NLRP6: variants seen among roughly 807,000 people sequenced by gnomAD.
NLRP6 encodes NLR family pyrin domain containing 6.
In NLRP6, 55 loss-of-function variants were observed where a neutral mutation model predicts 70.9. That is an observed-to-expected ratio of 0.78 (90% CI 0.62 to 0.97). NLRP6 has a LOEUF of 0.97. NLRP6 is among the 50% of genes least tolerant of loss of function. The pLI, the probability that NLRP6 is intolerant of heterozygous loss-of-function variation, is 0.00. For synonymous variants in NLRP6, 652 were observed against 581.9 expected (o/e 1.12, Z -1.73); for missense variants, 1,241 against 1,238.3 (o/e 1.00, Z -0.03).
Position 281,146 on chromosome 11 carries a change from G to A in NLRP6, c.1412G>A (p.Arg471His), listed in dbSNP as rs748020752. The A allele has an allele frequency of 6.8e-6, 11 of 1,613,050 alleles. No homozygotes were observed. Among genetic ancestry groups the A allele is most frequent in the Non-Finnish European group, 7.6e-6 (9 of 1,179,948 alleles). The stretch of plus-strand genomic sequence containing the variant: ...AAGGAACTGGAGCAACTGGAGCTTC[G>A]TGGCTCCAAAGTGCAGACGCTGTTT... ...AEKELEQLEL[R>H]GSKVQTLFLS... The change falls in exon 4 of 8, where the codon CGT (arginine) becomes CAT (histidine). Residue 471 changes from arginine (R) to histidine (H), a missense_variant. Arg to His is a conservative substitution (Grantham distance 29). Transcript: ENST00000534750.
At chr11:283,609 G>C (rs112999662) in intron 5 of NLRP6, among the ~76,000 whole-genome samples, 2 of 152,028 alleles carry the variant, frequency 1.3e-5, no homozygotes, top group African/African-American at 4.8e-5. Context: ...CACCGCGCCC[G>C]GCCACATGTA....
At chr11:284,738 C>A in intron 7 of NLRP6, 96 bp downstream of exon 7, 1 of 1,230,196 alleles carries the variant, frequency 8.1e-7, no homozygotes, top group Non-Finnish European at 1.1e-6. Flanking sequence ...TGAAGAGGGG[C>A]CCCTCCCAGA....
In NLRP6 at chr11:280,166, C is replaced by T. The variant is rs887446451; in HGVS notation, c.432C>T (p.Thr144=). ...GGAACGCCCGCTCCGTGAAGATCAC[C>T]AAGCGCTTCACCAAGCTGCTCATCG... ...KERNARSVKI[T]KRFTKLLIAP... is the part of the protein sequence containing the mutation. Residue 144 remains threonine (T), a synonymous_variant, in exon 4 of 8, where the codon ACC becomes ACT. Transcript: ENST00000534750. 1.3e-6 allele frequency: 2 copies of T among 1,550,530 alleles called. No homozygotes were observed.
rs535139792 is a variant in NLRP6 at position 278,762 on chromosome 11, A to G, written c.29+164A>G. ...CAAGCACTGCCTCCCCACAGAGGGC[A>G]TTTGTGGAGTCTGTTCCCCACCAGG... is the stretch of plus-strand genomic sequence containing the variant. On this transcript the variant is annotated intron_variant, in intron 1 of 7. Coordinates refer to ENST00000534750, the MANE Select transcript of NLRP6 (RefSeq NM_001276700.2). The surrounding 1 kb of genome is among the most constrained non-coding windows in gnomAD (Gnocchi z 4.7). 6.6e-6 allele frequency among the ~76,000 whole-genome samples: 1 copy of G among 152,180 alleles called. No individual in the cohort carries two copies. The highest frequency in any genetic ancestry group is 1.9e-4 in the East Asian group (1 of 5,172).
At position 281,293 on chromosome 11, in the gene NLRP6, G is replaced by A. The variant is rs1160520099; in HGVS notation, c.1559G>A (p.Arg520Lys). ...CTGCTGGAGGACGGCGGGGTGCCCA[G>A]GACCGCGGCTGGCGGCGTTGGGACA... is the stretch of plus-strand genomic sequence containing the variant. ...SYLLEDGGVP[R>K]TAAGGVGTLL... Residue 520 changes from arginine (R) to lysine (K), a missense_variant, in exon 4 of 8, where the codon AGG becomes AAG. Transcript: ENST00000534750. The A allele has an allele frequency of 1.9e-6, 3 of 1,609,636 alleles. No homozygotes were observed. Among genetic ancestry groups the A allele is most frequent in the Non-Finnish European group, 2.5e-6 (3 of 1,177,814 alleles).
chr11:278,707 T>TC lies in NLRP6; in HGVS notation c.29+114dup. On this transcript the variant is annotated intron_variant, in intron 1 of 7. Transcript: ENST00000534750. This position sits in a 1 kb window ranked among gnomAD's most constrained non-coding sequence, Gnocchi z 4.7. The stretch of plus-strand genomic sequence containing the variant: ...GGCTCTCCACCCTTGTCCACATCCT[T>TC]CCCCCACCCTCACTCCCAGGCTCAG... The TC allele has an allele frequency of 1.3e-6, 1 of 760,120 alleles. No individual in the cohort carries two copies. The allele number at this position is 760,120 out of a possible 1,614,324, so 47.1% of individuals were successfully genotyped here.
rs547586414 is a variant in NLRP6 at position 284,298 on chromosome 11, C to G, written c.2267C>G (p.Ala756Gly). Reference protein sequence around the residue: ...DLSEALRAAPALTELGLLHNR... With the variant: ...DLSEALRAAPGLTELGLLHNR... ...TCTGAGGCCCTGAGGGCAGCCCCCGCACTGACGGAGCTGGGCCTCCTCCAC... is the reference window on the plus strand; with the variant it reads ...TCTGAGGCCCTGAGGGCAGCCCCCGGACTGACGGAGCTGGGCCTCCTCCAC... Residue 756 changes from alanine (A) to glycine (G), a missense_variant, in exon 6 of 8, where the codon GCA becomes GGA. Physicochemically the swap from Ala to Gly is moderately conservative, Grantham distance 60. Coordinates refer to ENST00000534750, the MANE Select transcript of NLRP6 (RefSeq NM_001276700.2). 3.7e-6 allele frequency: 6 copies of G among 1,612,786 alleles called. No homozygotes were observed. In the East Asian group the frequency reaches 1.3e-4, roughly 36 times the overall value.
rs748059789 is a variant in NLRP6 at position 281,330 on chromosome 11, G to T, written c.1596G>T (p.Gly532=). 6.2e-7 allele frequency: 1 copy of T among 1,610,030 alleles called. No individual in the cohort carries two copies. The highest frequency in any genetic ancestry group is 8.5e-7 in the Non-Finnish European group (1 of 1,178,780). Residue 532 remains glycine, a synonymous_variant, in exon 4 of 8, where the codon GGG becomes GGT. Coordinates refer to ENST00000534750, the MANE Select transcript of NLRP6 (RefSeq NM_001276700.2). ...AAGGVGTLLR[G]DAQPHSHLVL... ...GCGGCGTTGGGACACTCCTGCGTGGGGACGCCCAGCCGCACAGCCACTTGG... is the reference window on the plus strand; with the variant it reads ...GCGGCGTTGGGACACTCCTGCGTGGTGACGCCCAGCCGCACAGCCACTTGG...
At chr11:284,875 T>C (rs1266516680) in intron 7 of NLRP6, among the ~76,000 whole-genome samples, 1 of 152,174 alleles carries the variant, frequency 6.6e-6, no homozygotes, top group Non-Finnish European at 1.5e-5. Flanking sequence ...ATCTGTTGTC[T>C]GGTGCCCATG....
Position 279,838 on chromosome 11 carries a change from C to A in NLRP6, c.315C>A (p.Leu105=). ...AQLQERRLQR[L]GLGSGTLLSV... ...TCACCCCAGTTTCCCTTCCAGGGCT[C>A]GGGCTCGGCTCCGGGACGCTGCTCT... The change falls in exon 3 of 8, where the codon CTC becomes CTA. Residue 105 remains leucine, a synonymous_variant. Transcript: ENST00000534750. 1 of 1,576,858 alleles carries A rather than the reference C, an allele frequency of 6.3e-7. No individual in the cohort carries two copies.
chr11:279,914 C>T, intron 3 of NLRP6, 42 bp downstream of exon 3: 1 of 1,485,414 alleles, frequency 6.7e-7, no homozygotes, highest in Non-Finnish European at 8.9e-7. Flanking sequence ...CCCAACCCCA[C>T]TTGGAGGGTC....
In NLRP6 at chr11:281,502, G is replaced by A; in HGVS notation, c.1768G>A (p.Ala590Thr). ...ACAGGGACAGGGCTGCCCCGGAGTG[G>A]CACCAGAGGTGACCGAGGGGGCCAA... ...QGQGQGCPGV[A>T]PEVTEGAKGL... The change falls in exon 4 of 8, where the codon GCA becomes ACA. Residue 590 changes from alanine to threonine, a missense_variant. Physicochemically the swap from Ala to Thr is moderately conservative, Grantham distance 58. Coordinates refer to ENST00000534750, the MANE Select transcript of NLRP6 (RefSeq NM_001276700.2). The A allele has an allele frequency of 6.2e-7, 1 of 1,600,382 alleles. No individual in the cohort carries two copies. The highest frequency in any genetic ancestry group is 8.5e-7 in the Non-Finnish European group (1 of 1,172,024).
At chr11:282,581 G>C in intron 4 of NLRP6, 124 bp from the exon 5 acceptor site, 1 of 756,530 alleles carries the variant, frequency 1.3e-6, no homozygotes, top group Admixed American at 1.9e-5. Flanking sequence ...GAAGGGGGTG[G>C]CTCAGCAAGG....
At position 284,337 on chromosome 11, in the gene NLRP6, A is replaced by G. The variant is rs765993689; in HGVS notation, c.2306A>G (p.Glu769Gly). 3.1e-6 allele frequency: 5 copies of G among 1,611,552 alleles called. No individual in the cohort carries two copies. In the African/African-American group the frequency reaches 6.7e-5, roughly 21 times the overall value. ...GGCCTCCTCCACAACAGGCTCAGTG[A>G]GGCGGGACTGCGTATGCTGAGTGAG... is the stretch of plus-strand genomic sequence containing the variant. ...ELGLLHNRLS[E>G]AGLRMLSEGL... is the part of the protein sequence containing the mutation. Residue 769 changes from glutamate to glycine, a missense_variant, in exon 6 of 8, where the codon GAG becomes GGG. Coordinates refer to ENST00000534750, the MANE Select transcript of NLRP6 (RefSeq NM_001276700.2).
In NLRP6 at chr11:279,873, G is replaced by A. The variant is rs1474052923; in HGVS notation, c.349+1G>A. ...TCCGGGACGCTGCTCTCCGTGTCCGGTGGGTCTCTCGCTGGGGGGGCACGA... is the reference window on the plus strand; with the variant it reads ...TCCGGGACGCTGCTCTCCGTGTCCGATGGGTCTCTCGCTGGGGGGGCACGA... On this transcript the variant is annotated splice_donor_variant, in intron 3 of 7. Coordinates refer to ENST00000534750, the MANE Select transcript of NLRP6 (RefSeq NM_001276700.2). LOFTEE classifies it high-confidence loss of function. 6.5e-7 allele frequency: 1 copy of A among 1,543,880 alleles called. No individual in the cohort carries two copies. The highest frequency in any genetic ancestry group is 8.7e-7 in the Non-Finnish European group (1 of 1,149,098).
rs1423616119 is a variant in NLRP6 at position 278,713 on chromosome 11, A to AC, written c.29+118dup. The AC allele has an allele frequency of 1.3e-5, 9 of 717,918 alleles. No homozygotes were observed. Among genetic ancestry groups the AC allele is most frequent in the South Asian group, 2.4e-5 (1 of 41,196 alleles). The allele number at this position is 717,918 out of a possible 1,614,324, so 44.5% of individuals were successfully genotyped here. ...CCACCCTTGTCCACATCCTTCCCCC[A>AC]CCCTCACTCCCAGGCTCAGGAGCCA... On this transcript the variant is annotated intron_variant, in intron 1 of 7. Coordinates refer to ENST00000534750, the MANE Select transcript of NLRP6 (RefSeq NM_001276700.2). The surrounding 1 kb of genome is among the most constrained non-coding windows in gnomAD (Gnocchi z 4.7).
intron 7 of NLRP6, 33 bp downstream of exon 7, chr11:284,675 A>G: frequency 6.4e-7 from 1 of 1,570,442 alleles, no homozygotes; most frequent in Non-Finnish European, 8.6e-7. Context: ...TGCTGGGGAC[A>G]CAGCCTGTCA....
Position 279,314 on chromosome 11 carries a change from C to T in NLRP6, c.30-13C>T, listed in dbSNP as rs1590266996. ...GGGCCGCTCCCCGATGACCCGCGCC[C>T]GCCCGCCTCCAGCACGGGGCCGCGC... On this transcript the variant is annotated splice_polypyrimidine_tract_variant and intron_variant, in intron 1 of 7. Transcript: ENST00000534750. 3 of 1,266,546 alleles carry T rather than the reference C, an allele frequency of 2.4e-6. No individual in the cohort carries two copies. The highest frequency in any genetic ancestry group is 2.8e-5 in the South Asian group (1 of 36,158). 78.5% of individuals were successfully genotyped at this position (1,266,546 alleles called of 1,614,324 possible).
chr11:281,864 C>A, intron 4 of NLRP6, 25 bp downstream of exon 4: 2 of 1,542,016 alleles, frequency 1.3e-6, no homozygotes, highest in South Asian at 1.2e-5. Context: ...CAGAGATACT[C>A]TCTTGTGTGT....
Sources: gnomAD v4.1 joint callset for allele counts (sites outside exome capture counted in the v4.1 genomes callset) on GRCh38, gnomAD v4.1.1 for gene constraint, Gnocchi (gnomAD v3.1) non-coding constraint, MANE v1.5 for transcripts, NCBI Gene and HGNC (gene_info 2026-07-23, HGNC 2026-07-21) for gene names.